Variants in GUCY1A1 observed in about 807,000 individuals in gnomAD.
GUCY1A1 encodes the protein guanylate cyclase 1 soluble subunit alpha 1, also known as guanylate cyclase soluble subunit alpha-1.
Under a neutral mutation model 64.5 loss-of-function variants are expected in GUCY1A1, and 48 were observed. The ratio of observed to expected loss-of-function variants is 0.74; its 90% CI spans 0.59 to 0.95. The LOEUF (loss-of-function observed/expected upper bound fraction) is 0.95. Ranked by LOEUF, GUCY1A1 falls within the 40% of genes least tolerant of loss-of-function variation. The pLI, the probability that GUCY1A1 is intolerant of heterozygous loss-of-function variation, is 0.00. For missense variants in GUCY1A1, 804 were observed against 825.3 expected (o/e 0.97, Z 0.32); for synonymous variants, 308 against 303.4 (o/e 1.02, Z -0.16).
intron 9 of GUCY1A1, among the ~76,000 whole-genome samples, chr4:155,724,642 C>T (rs1734415134): frequency 6.6e-6 from 1 of 152,054 alleles, no homozygotes; most frequent in Admixed American, 6.6e-5. Flanking sequence ...CTCACTACCC[C>T]ATGTCTACAC....
intron 2 of GUCY1A1, among the ~76,000 whole-genome samples, chr4:155,688,756 TCAATGCTTACGAG>T (rs1270098427): frequency 6.6e-6 from 1 of 151,820 alleles, no homozygotes; most frequent in Non-Finnish European, 1.5e-5. Flanking sequence ...GTGAAATCAT[TCAATGCTTACGAG>T]CACTAACAAA....
chr4:155,706,693 T>A, intron 4 of GUCY1A1, among the ~76,000 whole-genome samples: 1 of 152,104 alleles, frequency 6.6e-6, no homozygotes, highest in East Asian at 1.9e-4. Context: ...AAGGCACACA[T>A]GTGTTGGCTG....
intron 2 of GUCY1A1, among the ~76,000 whole-genome samples, chr4:155,688,920 TAGGAAAG>T: frequency 6.6e-6 from 1 of 151,920 alleles, no homozygotes; most frequent in Admixed American, 6.6e-5. Context: ...AAGTAGTTGG[TAGGAAAG>T]AACTATAAGA....
At chr4:155,727,804 A>T (rs1055503385) in intron 9 of GUCY1A1, among the ~76,000 whole-genome samples, 2 of 151,692 alleles carry the variant, frequency 1.3e-5, no homozygotes, top group African/African-American at 4.8e-5. Context: ...ATATTAATAT[A>T]ATAAAATATA....
intron 2 of GUCY1A1, among the ~76,000 whole-genome samples, chr4:155,682,755 G>A (rs1490874129): frequency 7.3e-6 from 1 of 137,646 alleles, no homozygotes; most frequent in African/African-American, 2.5e-5. Flanking sequence ...ATCAGGCTTT[G>A]AAGAAAATTA....
intron 9 of GUCY1A1, among the ~76,000 whole-genome samples, chr4:155,723,113 AT>A (rs1734187964): frequency 6.6e-6 from 1 of 152,100 alleles, no homozygotes; most frequent in East Asian, 1.9e-4. Context: ...CTCAAAAGTG[AT>A]CCAAGGGCCT....
rs897790921 is a variant in GUCY1A1, at chr4:155,736,966, A to C, written c.*6735A>C. 6.6e-6 allele frequency: 1 copy of C among 152,022 alleles called. No individual in the cohort carries two copies. Among genetic ancestry groups the C allele is most frequent in the Non-Finnish European group, 1.5e-5 (1 of 67,962 alleles). The allele number at this position is 152,022 out of a possible 1,614,324, so 9.4% of individuals were successfully genotyped here. ...CTGGCTGAGTTGCAAAGTCTATGAG[A>C]ATGTTACCTCCTGTCTCAGAAGCTT... On this transcript the variant is annotated 3_prime_UTR_variant, in exon 10 of 10. Coordinates refer to ENST00000506455, the MANE Select transcript of GUCY1A1 (RefSeq NM_001130682.3).
intron 2 of GUCY1A1, among the ~76,000 whole-genome samples, chr4:155,677,020 A>C (rs1314988491): frequency 6.6e-6 from 1 of 151,520 alleles, no homozygotes; most frequent in Non-Finnish European, 1.5e-5. Context: ...GTGTGGTCTA[A>C]GTCTGTCCGC....
chr4:155,709,014 C>T (rs1013828548), intron 5 of GUCY1A1, among the ~76,000 whole-genome samples: 6 of 152,058 alleles, frequency 3.9e-5, no homozygotes, highest in Non-Finnish European at 7.4e-5. Flanking sequence ...AAAAAGACTC[C>T]ATTTTGTATT....
At position 155,710,627 on chromosome 4, in the gene GUCY1A1, G is replaced by A. The variant is rs746012409; in HGVS notation, c.462G>A (p.Val154=). The A allele has an allele frequency of 8.1e-6, 13 of 1,613,356 alleles. No individual in the cohort carries two copies. Among genetic ancestry groups the A allele is most frequent in the Non-Finnish European group, 1.1e-5 (13 of 1,179,360 alleles). Residue 154 remains valine (V), a synonymous_variant, in exon 6 of 10, where the codon GTG becomes GTA. Transcript: ENST00000506455. ...CYEEDENILG[V]VGGTLKDFLN... is the part of the protein sequence containing the mutation. Reference sequence around the variant, plus strand: ...AGGAAGATGAAAACATCCTTGGGGTGGTTGGAGGCACCCTTAAAGATTTTT... The same window carrying A: ...AGGAAGATGAAAACATCCTTGGGGTAGTTGGAGGCACCCTTAAAGATTTTT...
At chr4:155,685,603 G>GTTTTTTTTTTTTTTTTTTT (rs70954055) in intron 2 of GUCY1A1, among the ~76,000 whole-genome samples, 2 of 108,904 alleles carry the variant, frequency 1.8e-5, no homozygotes, top group African/African-American at 3.1e-5. Context: ...TTCTCCTTGT[G>GTTTTTTTTTTTTTTTTTTT]TTTTTTTTTT....
intron 4 of GUCY1A1, among the ~76,000 whole-genome samples, chr4:155,707,604 TAAA>T (rs113865416): frequency 7.0e-6 from 1 of 142,622 alleles, no homozygotes; most frequent in Non-Finnish European, 1.5e-5. Context: ...GATATAAAGG[TAAA>T]AAAAAAAAAA....
Position 155,737,028 on chromosome 4 carries a change from T to A in GUCY1A1, c.*6797T>A, listed in dbSNP as rs889242363. ...TGCCACCTAAATATTGTAATAAAAG[T>A]GTTTAAATAAAAATCTTCTTAAAAT... is the stretch of plus-strand genomic sequence containing the variant. On this transcript the variant is annotated 3_prime_UTR_variant, in exon 10 of 10. Transcript: ENST00000506455. 1 of 152,020 alleles carries A rather than the reference T, an allele frequency of 6.6e-6. No individual in the cohort carries two copies. The highest frequency in any genetic ancestry group is 1.5e-5 in the Non-Finnish European group (1 of 67,964). 9.4% of individuals were successfully genotyped at this position (152,020 alleles called of 1,614,324 possible).
At position 155,722,099 on chromosome 4, in the gene GUCY1A1, G is replaced by A. The variant is rs370478508; in HGVS notation, c.1778G>A (p.Arg593His). Residue 593 changes from arginine to histidine, a missense_variant, in exon 9 of 10, where the codon CGT becomes CAT. By Grantham distance (29) the Arg-to-His change is conservative (BLOSUM62 0). Transcript: ENST00000506455. The part of the protein sequence containing the change: ...FAGVVGVKMP[R>H]YCLFGNNVTL... ...GGCGTCGTTGGAGTTAAAATGCCCC[G>A]TTACTGTCTTTTTGGAAACAATGTC... The A allele has an allele frequency of 8.1e-6, 13 of 1,613,436 alleles. No individual in the cohort carries two copies. Among genetic ancestry groups the A allele is most frequent in the African/African-American group, 4.0e-5 (3 of 74,834 alleles).
rs777104978 is a variant in GUCY1A1 at position 155,710,938 on chromosome 4, A to G, written c.773A>G (p.His258Arg). 17 of 1,613,914 alleles carry G rather than the reference A, an allele frequency of 1.1e-5. No individual in the cohort carries two copies. The highest frequency in any genetic ancestry group is 1.4e-5 in the Non-Finnish European group (17 of 1,179,780). Reference protein sequence around the residue: ...VNQPYLLYSVHMKSTKPSLSP... With the variant: ...VNQPYLLYSVRMKSTKPSLSP... ...CAGCCCTACTTGTTGTACTCCGTTC[A>G]CATGAAAAGCACCAAGCCATCCCTG... Residue 258 changes from histidine to arginine, a missense_variant, in exon 6 of 10, where the codon CAC becomes CGC. Physicochemically the swap from His to Arg is conservative, Grantham distance 29. Coordinates refer to ENST00000506455, the MANE Select transcript of GUCY1A1 (RefSeq NM_001130682.3).
chr4:155,713,076 T>C (rs1007464973), intron 6 of GUCY1A1, 22 bp from the exon 7 acceptor site: 3 of 1,572,104 alleles, frequency 1.9e-6, no homozygotes, highest in Admixed American at 1.8e-5. Flanking sequence ...TAAACCACAA[T>C]TGGTTATCCT....
intron 8 of GUCY1A1, 142 bp downstream of exon 8, chr4:155,717,444 A>AT: frequency 6.5e-6 from 3 of 464,198 alleles, no homozygotes; most frequent in Non-Finnish European, 7.3e-6. Context: ...AATCTTCTCT[A>AT]ACTTGTTTAC....
chr4:155,682,230 A>C (rs764104440), intron 2 of GUCY1A1, among the ~76,000 whole-genome samples: 11 of 151,874 alleles, frequency 7.2e-5, no homozygotes, highest in Non-Finnish European at 1.3e-4. Flanking sequence ...ATAAGCTCAA[A>C]TTCTGTACAT....
At chr4:155,704,274 A>G (rs1166863036) in intron 4 of GUCY1A1, among the ~76,000 whole-genome samples, 3 of 152,216 alleles carry the variant, frequency 2.0e-5, no homozygotes, top group African/African-American at 7.2e-5. Flanking sequence ...CAGAGCCATT[A>G]TTTTAAGCAT....
Sources: gnomAD v4.1 joint callset for allele counts (sites outside exome capture counted in the v4.1 genomes callset) on GRCh38, gnomAD v4.1.1 for gene constraint, MANE v1.5 for transcripts, NCBI Gene and HGNC (gene_info 2026-07-23, HGNC 2026-07-21) for gene names.